GLIS3: variants seen among roughly 807,000 people sequenced by gnomAD.
GLIS3 encodes GLIS family zinc finger 3.
Under a neutral mutation model 78.6 loss-of-function variants are expected in GLIS3, and 53 were observed. The ratio of observed to expected loss-of-function variants is 0.67; its 90% CI spans 0.54 to 0.85. GLIS3 has a LOEUF of 0.85. Among genes scored for constraint, GLIS3 ranks in the 40% least tolerant of loss-of-function variants. The probability of loss-of-function intolerance (pLI) is 0.00; values close to 1 mark genes in which losing one functional copy is unlikely to be tolerated. For missense variants in GLIS3, 1,703 were observed against 1,231.1 expected (o/e 1.38, Z -5.74); for synonymous variants, 684 against 509.9 (o/e 1.34, Z -4.60).
At chr9:3,997,124 G>A (rs1006705380) in intron 4 of GLIS3, among the ~76,000 whole-genome samples, 1 of 152,174 alleles carries the variant, frequency 6.6e-6, no homozygotes, top group Non-Finnish European at 1.5e-5. Flanking sequence ...AAGGCAGGCA[G>A]ATCACCTGAG....
intron 2 of GLIS3, among the ~76,000 whole-genome samples, chr9:4,249,435 A>G (rs1824137304): frequency 6.6e-6 from 1 of 152,162 alleles, no homozygotes; most frequent in Non-Finnish European, 1.5e-5. Context: ...TTATTGGTGT[A>G]TAGGAATGCT....
chr9:4,381,860 G>A, the GLIS3 span, among the ~76,000 whole-genome samples: 1 of 152,148 alleles, frequency 6.6e-6, no homozygotes, highest in Non-Finnish European at 1.5e-5. Flanking sequence ...TGTTGGTTCT[G>A]GAAGTAGCTG....
intron 4 of GLIS3, among the ~76,000 whole-genome samples, chr9:3,983,304 A>T (rs1819456307): frequency 6.6e-6 from 1 of 152,190 alleles, no homozygotes. Context: ...CTCCCCAGCC[A>T]TGTGGAACTG....
intron 5 of GLIS3, among the ~76,000 whole-genome samples, chr9:3,933,694 A>AAAACAAAC (rs927293203): frequency 1.3e-5 from 2 of 152,186 alleles, no homozygotes; most frequent in African/African-American, 4.8e-5. Context: ...TGTTATAGTA[A>AAAACAAAC]AAACAAACAA....
At chr9:4,099,378 G>T (rs489444) in intron 4 of GLIS3, among the ~76,000 whole-genome samples, 1 of 151,818 alleles carries the variant, frequency 6.6e-6, no homozygotes, top group Non-Finnish European at 1.5e-5. Flanking sequence ...TTGCAGATGC[G>T]TCACTCCAAT....
chr9:4,195,453 C>A (rs1818736022), intron 2 of GLIS3, among the ~76,000 whole-genome samples: 2 of 152,222 alleles, frequency 1.3e-5, no homozygotes, highest in Admixed American at 1.3e-4. Context: ...CCAGCAGCTG[C>A]AGAGGGGATG....
intron 4 of GLIS3, 98 bp downstream of exon 4, chr9:4,117,670 C>T (rs188097536): frequency 6.7e-6 from 9 of 1,342,282 alleles, no homozygotes; most frequent in Non-Finnish European, 6.4e-6. Flanking sequence ...TAGACCCCCA[C>T]GCATGCAAAC....
chr9:3,879,668 A>T, intron 7 of GLIS3, 73 bp from the exon 8 acceptor site: 1 of 1,513,496 alleles, frequency 6.6e-7, no homozygotes, highest in South Asian at 1.2e-5. Context: ...CCGAAGCCTG[A>T]CAGCAAGCAT....
chr9:4,195,495 A>T (rs2131238638), intron 2 of GLIS3, among the ~76,000 whole-genome samples: 1 of 152,242 alleles, frequency 6.6e-6, no homozygotes, highest in Non-Finnish European at 1.5e-5. Flanking sequence ...GCCCGCCAGC[A>T]CCGCGCTCGA....
chr9:4,183,057 G>A (rs150082687), intron 2 of GLIS3, among the ~76,000 whole-genome samples: 234 of 152,328 alleles, frequency 1.5e-3, no homozygotes, highest in Middle Eastern at 6.8e-3. Context: ...AGGCCCACGT[G>A]CTGTCTGGAA....
At chr9:4,313,140 T>C (rs1462416107) in intron 2 of GLIS3, among the ~76,000 whole-genome samples, 1 of 152,196 alleles carries the variant, frequency 6.6e-6, no homozygotes, top group Admixed American at 6.5e-5. Context: ...TGATTAGAGA[T>C]AACATGGGAG....
chr9:3,990,292 C>T (rs1011604974), intron 4 of GLIS3, among the ~76,000 whole-genome samples: 1 of 152,150 alleles, frequency 6.6e-6, no homozygotes, highest in African/African-American at 2.4e-5. Flanking sequence ...ATATTAGAAT[C>T]ATTCCGGAGG....
the GLIS3 span, among the ~76,000 whole-genome samples, chr9:4,394,851 C>T: frequency 6.6e-6 from 1 of 152,166 alleles, no homozygotes; most frequent in Non-Finnish European, 1.5e-5. Flanking sequence ...CAAATATAGC[C>T]TTGTCTAACT....
chr9:4,162,919 C>G (rs370640329), intron 2 of GLIS3, among the ~76,000 whole-genome samples: 1 of 132,480 alleles, frequency 7.5e-6, no homozygotes, highest in African/African-American at 2.6e-5. Flanking sequence ...AAAATACCTA[C>G]ACAGCCACCT....
the GLIS3 span, among the ~76,000 whole-genome samples, chr9:4,431,844 GAAAA>G: frequency 2.7e-5 from 2 of 73,058 alleles, no homozygotes; most frequent in East Asian, 4.3e-4. Context: ...AACTCCATCT[GAAAA>G]AAAAAAAAAA....
intron 2 of GLIS3, among the ~76,000 whole-genome samples, chr9:4,337,271 C>G (rs1006108474): frequency 6.6e-6 from 1 of 152,092 alleles, no homozygotes; most frequent in Non-Finnish European, 1.5e-5. Flanking sequence ...AAGACCTTCA[C>G]CAAAGTGTTA....
At chr9:4,093,845 G>A (rs149962653) in intron 4 of GLIS3, among the ~76,000 whole-genome samples, 1 of 152,298 alleles carries the variant, frequency 6.6e-6, no homozygotes, top group African/African-American at 2.4e-5. Flanking sequence ...GCTATGACAA[G>A]ACAAGTTGAC....
At chr9:3,842,308 C>T (rs1818770454) in intron 9 of GLIS3, among the ~76,000 whole-genome samples, 1 of 152,156 alleles carries the variant, frequency 6.6e-6, no homozygotes, top group African/African-American at 2.4e-5. Flanking sequence ...CCTGTCTCTA[C>T]TAAAACTACA....
At chr9:4,332,654 C>A (rs1373381681) in intron 2 of GLIS3, among the ~76,000 whole-genome samples, 2 of 152,186 alleles carry the variant, frequency 1.3e-5, no homozygotes, top group African/African-American at 4.8e-5. Context: ...AAACTACCAA[C>A]CTACCTCTGG....
Sources: gnomAD v4.1 joint callset for allele counts (sites outside exome capture counted in the v4.1 genomes callset) on GRCh38, gnomAD v4.1.1 for gene constraint, MANE v1.5 for transcripts, NCBI Gene and HGNC (gene_info 2026-07-23, HGNC 2026-07-21) for gene names.